The following ZNF131 variants were observed in gnomAD, a reference collection of about 807,000 sequenced individuals.
ZNF131 encodes the protein zinc finger and BTB domain containing 35.
A neutral mutation model predicts 60.0 loss-of-function variants in ZNF131; 7 were observed. That is an observed-to-expected ratio of 0.12 (90% confidence interval 0.07 to 0.22). The LOEUF (loss-of-function observed/expected upper bound fraction) is 0.22, where lower values mean the gene tolerates loss of function less well. Among genes scored for constraint, ZNF131 ranks in the 10% least tolerant of loss-of-function variants. The pLI, the probability that ZNF131 is intolerant of heterozygous loss-of-function variation, is 1.00. For missense variants in ZNF131, 493 were observed against 740.9 expected, an observed-to-expected ratio of 0.67 and a Z score of 3.88; for synonymous variants, 257 against 253.2, an observed-to-expected ratio of 1.01 and a Z score of -0.14.
chr5:43,168,822 G>T (rs573609042), intron 5 of ZNF131, among the ~76,000 whole-genome samples: 1 of 152,306 alleles, frequency 6.6e-6, no homozygotes, highest in African/African-American at 2.4e-5. Flanking sequence ...ACATTAGGTA[G>T]CCTGGATCAA....
chr5:43,155,980 T>G (rs1748914884), intron 4 of ZNF131, among the ~76,000 whole-genome samples: 1 of 152,186 alleles, frequency 6.6e-6, no homozygotes, highest in Non-Finnish European at 1.5e-5. Flanking sequence ...ATAGAGACAC[T>G]GCACTAAATC....
intron 4 of ZNF131, among the ~76,000 whole-genome samples, chr5:43,147,425 A>T (rs993319788): frequency 6.0e-4 from 91 of 150,922 alleles, no homozygotes; most frequent in African/African-American, 2.1e-3. Context: ...TTATTTATTT[A>T]TTTATTTTTT....
chr5:43,174,428 A>G lies in ZNF131; in HGVS notation c.1186-19A>G, dbSNP rs747014811. 2 of 1,512,014 alleles carry G rather than the reference A, an allele frequency of 1.3e-6. No homozygotes were observed. Among genetic ancestry groups the G allele is most frequent in the Non-Finnish European group, 1.8e-6 (2 of 1,131,756 alleles). The allele number at this position is 1,512,014 out of a possible 1,614,324, so 93.7% of individuals were successfully genotyped here. ...TTTGGATATAAGTATTGTCTACATC[A>G]TATTTTTGGTTATTTCAGGTCTGCA... On this transcript the variant is annotated intron_variant, in intron 6 of 6. Transcript: ENST00000682664.
At chr5:43,133,979 TC>T (rs1245172513) in intron 3 of ZNF131, among the ~76,000 whole-genome samples, 1 of 152,140 alleles carries the variant, frequency 6.6e-6, no homozygotes, top group Non-Finnish European at 1.5e-5. Context: ...CCAGTCCTTC[TC>T]ATAGCCTTCC....
At chr5:43,124,174 A>G (rs887820648) in intron 3 of ZNF131, 1 of 152,206 alleles carries the variant, frequency 6.6e-6, no homozygotes, top group East Asian at 1.9e-4. Flanking sequence ...CTAAAAGGTT[A>G]CTTGCCCAGG....
At chr5:43,172,055 C>T (rs1238557031) in intron 5 of ZNF131, among the ~76,000 whole-genome samples, 1 of 152,234 alleles carries the variant, frequency 6.6e-6, no homozygotes, top group African/African-American at 2.4e-5. Flanking sequence ...GCCTTGTAGG[C>T]CTTCTTAAAG....
rs186371876 is a variant in ZNF131, at chr5:43,135,514, G to A, written c.227-3651G>A. ...CTGTAATCCCAGCACTTTGGGAGGC[G>A]GAGGCGGGTGGATTGCTTGAGGTCA... On this transcript the variant is annotated intron_variant, in intron 3 of 6. Coordinates refer to ENST00000682664, the MANE Select transcript of ZNF131 (RefSeq NM_001330707.2). Among the ~76,000 whole-genome samples the A allele has an allele frequency of 5.8e-3, 863 of 149,310 alleles. 3 individuals carry two copies. Among genetic ancestry groups the A allele is most frequent in the African/African-American group, 0.019 (769 of 40,698 alleles).
At chr5:43,165,469 A>G (rs1750233654) in intron 5 of ZNF131, among the ~76,000 whole-genome samples, 1 of 152,214 alleles carries the variant, frequency 6.6e-6, no homozygotes, top group South Asian at 2.1e-4. Context: ...ACTGAAAACA[A>G]TATTAATCTC....
At chr5:43,126,391 C>A (rs1463166372) in intron 3 of ZNF131, among the ~76,000 whole-genome samples, 1 of 152,134 alleles carries the variant, frequency 6.6e-6, no homozygotes, top group Non-Finnish European at 1.5e-5. Flanking sequence ...TGTTCAGGTC[C>A]CAGGTGTGCC....
chr5:43,125,198 A>G (rs1579699713), intron 3 of ZNF131, among the ~76,000 whole-genome samples: 1 of 152,188 alleles, frequency 6.6e-6, no homozygotes, highest in South Asian at 2.1e-4. Context: ...AAAGTATTAC[A>G]AAGACTATTA....
At chr5:43,147,412 T>C (rs1286294675) in intron 4 of ZNF131, among the ~76,000 whole-genome samples, 1 of 149,838 alleles carries the variant, frequency 6.7e-6, no homozygotes, top group Non-Finnish European at 1.5e-5. Flanking sequence ...TATTTTATTT[T>C]ATTTATTTAT....
At chr5:43,143,517 A>G in intron 4 of ZNF131, 1 of 772,336 alleles carries the variant, frequency 1.3e-6, no homozygotes, top group Non-Finnish European at 1.9e-6. Context: ...GATGAGCCAG[A>G]CATCGTTTCT....
rs902244301 is a variant in ZNF131, at chr5:43,169,943, G to A, written c.1055-3375G>A. Among the ~76,000 whole-genome samples the A allele has an allele frequency of 5.3e-5, 8 of 151,778 alleles. No homozygotes were observed. The East Asian group carries it at 1.2e-3, about 22-fold the overall frequency. On this transcript the variant is annotated intron_variant, in intron 5 of 6. Coordinates refer to ENST00000682664, the MANE Select transcript of ZNF131 (RefSeq NM_001330707.2). The stretch of plus-strand genomic sequence containing the variant: ...GTAGCTGGGCTTACAGGCACCCGCC[G>A]CCACGCCTGGCTAATTTTTTGTATT...
intron 4 of ZNF131, among the ~76,000 whole-genome samples, chr5:43,159,451 T>A (rs2111900103): frequency 6.6e-6 from 1 of 152,136 alleles, no homozygotes; most frequent in Non-Finnish European, 1.5e-5. Flanking sequence ...TCCAGCACTT[T>A]GGGAGGCCGA....
chr5:43,124,951 GC>G (rs1016466952), intron 3 of ZNF131: 1 of 151,658 alleles, frequency 6.6e-6, no homozygotes, highest in African/African-American at 2.4e-5. Context: ...GATTGCTGGG[GC>G]CCAGGAGGTC....
At chr5:43,125,719 T>C (rs1253347807) in intron 3 of ZNF131, among the ~76,000 whole-genome samples, 2 of 151,762 alleles carry the variant, frequency 1.3e-5, no homozygotes, top group African/African-American at 4.8e-5. Flanking sequence ...AGGCGGAGGT[T>C]GTAGCGAGCT....
intron 3 of ZNF131, among the ~76,000 whole-genome samples, chr5:43,132,937 T>A (rs1478550793): frequency 6.6e-6 from 1 of 152,220 alleles, no homozygotes; most frequent in East Asian, 1.9e-4. Flanking sequence ...AGAACATATT[T>A]TTGTGAATTG....
Position 43,175,331 on chromosome 5 carries a change from A to G in ZNF131, c.*198A>G, listed in dbSNP as rs1751462016. ...GCCACAGAGGAGGGATCTTTTCCAT[A>G]ACTGAAGGGGAGTTTTGAGAAGTAT... On this transcript the variant is annotated 3_prime_UTR_variant, in exon 7 of 7. Coordinates refer to ENST00000682664, the MANE Select transcript of ZNF131 (RefSeq NM_001330707.2). The G allele has an allele frequency of 1.6e-5, 11 of 682,386 alleles. No homozygotes were observed. Among genetic ancestry groups the G allele is most frequent in the Middle Eastern group, 7.6e-4 (2 of 2,626 alleles). 42.3% of individuals were successfully genotyped at this position (682,386 alleles called of 1,614,324 possible).
At chr5:43,154,694 G>A (rs1011539726) in intron 4 of ZNF131, among the ~76,000 whole-genome samples, 2 of 152,196 alleles carry the variant, frequency 1.3e-5, no homozygotes, top group African/African-American at 4.8e-5. Context: ...AATGTTGGCT[G>A]TAGGCTTCAT....
Sources: allele counts gnomAD v4.1 joint callset (sites outside exome capture counted in the v4.1 genomes callset), GRCh38; gene constraint gnomAD v4.1.1; transcripts MANE v1.5; gene names NCBI Gene and HGNC (gene_info 2026-07-23, HGNC 2026-07-21).